The following C15orf61 variants were observed in gnomAD, a reference collection of about 807,000 sequenced individuals.
The protein encoded by C15orf61 is chromosome 15 open reading frame 61.
C15orf61 carries 12 observed loss-of-function variants against 13.7 expected under a neutral mutation model. That is an observed-to-expected ratio of 0.88 (90% CI 0.56 to 1.42). C15orf61 has a LOEUF of 1.42. Ranked by LOEUF, C15orf61 falls within the 40% of genes most tolerant of loss-of-function variation. The pLI is 0.00. For missense variants in C15orf61, 248 were observed against 213.2 expected (o/e 1.16, Z -1.02); for synonymous variants, 92 against 94.1 (o/e 0.98, Z 0.13).
At position 67,528,710 on chromosome 15, in the gene C15orf61, T is replaced by C. The variant is rs2084212231; in HGVS notation, c.*2165T>C. Reference sequence around the variant, plus strand: ...GTCAGGAGACTGAGTCTATTTTTAGTATTGGTGCTGTCTTACTTTTTGACC... The same window carrying C: ...GTCAGGAGACTGAGTCTATTTTTAGCATTGGTGCTGTCTTACTTTTTGACC... On this transcript the variant is annotated 3_prime_UTR_variant, in exon 2 of 2. Coordinates refer to ENST00000342683, the MANE Select transcript of C15orf61 (RefSeq NM_001143936.2). 1.3e-5 allele frequency: 2 copies of C among 152,154 alleles called. No homozygotes were observed. Among genetic ancestry groups the C allele is most frequent in the South Asian group, 4.1e-4 (2 of 4,832 alleles). The allele number at this position is 152,154 out of a possible 1,614,324, so 9.4% of individuals were successfully genotyped here. A position where few individuals can be genotyped will look rare whatever the true frequency, so the allele number is the denominator to read the frequency against.
At position 67,525,348 on chromosome 15, in the gene C15orf61, T is replaced by C. The variant is rs2084192807; in HGVS notation, c.347-1070T>C. ...TTTTAAATAAGTACCTTTAAAAAGATAGGAATTGTGAAAGTTTGTTTTGTG... is the reference window on the plus strand; with the variant it reads ...TTTTAAATAAGTACCTTTAAAAAGACAGGAATTGTGAAAGTTTGTTTTGTG... On this transcript the variant is annotated intron_variant, in intron 1 of 1. Transcript: ENST00000342683. The surrounding 1 kb of genome is among the most constrained non-coding windows in gnomAD (Gnocchi z 4.9). 6.6e-6 allele frequency among the ~76,000 whole-genome samples: 1 copy of C among 152,224 alleles called. No homozygotes were observed. Among genetic ancestry groups the C allele is most frequent in the Non-Finnish European group, 1.5e-5 (1 of 68,034 alleles).
At chr15:67,522,955 CA>C (rs572394395) in intron 1 of C15orf61, among the ~76,000 whole-genome samples, 342 of 151,780 alleles carry the variant, frequency 2.3e-3, no homozygotes, top group African/African-American at 7.9e-3. Context: ...TTAAGACATC[CA>C]AAAAAAGTGG....
rs547903122 is a variant in C15orf61, at chr15:67,521,485, C to A, written c.237C>A (p.Val79=). Residue 79 remains valine (V), a synonymous_variant, in exon 1 of 2, where the codon GTC becomes GTA. Transcript: ENST00000342683. The part of the protein sequence containing the change: ...NWPVQGANYH[V]LRTGCFPFIK... ...CGGTGCAGGGCGCCAACTACCACGT[C>A]CTGCGCACCGGCTGCTTCCCCTTCA... 4.5e-6 allele frequency: 7 copies of A among 1,548,662 alleles called. No individual in the cohort carries two copies. In the African/African-American group the frequency reaches 9.6e-5, roughly 21 times the overall value.
At position 67,526,928 on chromosome 15, in the gene C15orf61, A is replaced by G. The variant is rs2084202363; in HGVS notation, c.*383A>G. ...GAAAATCTTTTATGTAACAATGGAA[A>G]AAGAAGTAGAAGACATTAGGATGTA... On this transcript the variant is annotated 3_prime_UTR_variant, in exon 2 of 2. Coordinates refer to ENST00000342683, the MANE Select transcript of C15orf61 (RefSeq NM_001143936.2). 6.5e-6 allele frequency: 1 copy of G among 154,278 alleles called. No individual in the cohort carries two copies. Among genetic ancestry groups the G allele is most frequent in the African/African-American group, 2.4e-5 (1 of 41,560 alleles). The allele number at this position is 154,278 out of a possible 1,614,324, so 9.6% of individuals were successfully genotyped here.
At chr15:67,523,321 A>C (rs2140927436) in intron 1 of C15orf61, among the ~76,000 whole-genome samples, 1 of 152,302 alleles carries the variant, frequency 6.6e-6, no homozygotes, top group East Asian at 1.9e-4. Flanking sequence ...TCTGTGAGGT[A>C]CAATCGTCTC....
Position 67,521,224 on chromosome 15 carries a change from G to T in C15orf61, c.-25G>T, listed in dbSNP as rs147572475. 15,220 of 1,208,624 alleles carry T rather than the reference G, an allele frequency of 0.013. 114 individuals are homozygous for T. The highest frequency in any genetic ancestry group is 0.015 in the Non-Finnish European group (14,240 of 968,158). The allele number at this position is 1,208,624 out of a possible 1,614,324, so 74.9% of individuals were successfully genotyped here. ...TGCGCGCCAGCGGCTGCGGACACCA[G>T]CCTGCGTCCCCGGCGCGGCGGGCCA... is the stretch of plus-strand genomic sequence containing the variant. On this transcript the variant is annotated 5_prime_UTR_variant, in exon 1 of 2. Transcript: ENST00000342683.
chr15:67,521,611 G>A lies in C15orf61; in HGVS notation c.346+17G>A. On this transcript the variant is annotated intron_variant, in intron 1 of 1. Transcript: ENST00000342683. ...TCAACCTCGGTGAGTGGCGACTGCC[G>A]CGCCCACGCGGTGAAGCCCGCCCGG... 6.7e-7 allele frequency: 1 copy of A among 1,497,148 alleles called. No individual in the cohort carries two copies. The highest frequency in any genetic ancestry group is 9.0e-7 in the Non-Finnish European group (1 of 1,111,290). 92.7% of individuals were successfully genotyped at this position (1,497,148 alleles called of 1,614,324 possible). A position where few individuals can be genotyped will look rare whatever the true frequency, so the allele number is the denominator to read the frequency against.
In C15orf61 at chr15:67,529,096, A is replaced by G. The variant is rs2084214631; in HGVS notation, c.*2551A>G. On this transcript the variant is annotated 3_prime_UTR_variant, in exon 2 of 2. Coordinates refer to ENST00000342683, the MANE Select transcript of C15orf61 (RefSeq NM_001143936.2). This position sits in a 1 kb window ranked among gnomAD's most constrained non-coding sequence, Gnocchi z 4.4. ...GTCATATTTCTTTGACAGGATTTTT[A>G]TCTTTAATCCAACCAAAACTGTTTT... 1 of 152,168 alleles carries G rather than the reference A, an allele frequency of 6.6e-6. No homozygotes were observed. The highest frequency in any genetic ancestry group is 6.5e-5 in the Admixed American group (1 of 15,280). The allele number at this position is 152,168 out of a possible 1,614,324, so 9.4% of individuals were successfully genotyped here.
At chr15:67,524,196 A>G (rs1019244869) in intron 1 of C15orf61, among the ~76,000 whole-genome samples, 1 of 152,178 alleles carries the variant, frequency 6.6e-6, no homozygotes, top group African/African-American at 2.4e-5. Flanking sequence ...TAGTCTCAGT[A>G]TGCTTAGAAA....
intron 1 of C15orf61, chr15:67,522,024 C>G (rs566381450): frequency 7.1e-6 from 5 of 699,510 alleles, no homozygotes; most frequent in Non-Finnish European, 1.0e-5. Flanking sequence ...ACTGGAACTA[C>G]TCTTTTAAGT....
chr15:67,521,805 G>A (rs1162572210), intron 1 of C15orf61: 2 of 628,766 alleles, frequency 3.2e-6, no homozygotes, highest in East Asian at 2.8e-5. Flanking sequence ...CCGTTCGCCT[G>A]CTGCGGGCGC....
chr15:67,521,964 AG>A (rs1567252067), intron 1 of C15orf61: 2 of 692,468 alleles, frequency 2.9e-6, no homozygotes. Flanking sequence ...ACTGCATGGC[AG>A]GACTCATTCC....
rs1464819434 is a variant in C15orf61 at position 67,521,286 on chromosome 15, GC to G, written c.40del (p.Leu14CysfsTer23). The G allele has an allele frequency of 2.0e-6, 3 of 1,467,516 alleles. No individual in the cohort carries two copies. The African/African-American group carries it at 4.4e-5, about 21-fold the overall frequency. 90.9% of individuals were successfully genotyped at this position (1,467,516 alleles called of 1,614,324 possible). ...AGGAGGGCCCACGAGGTCGCGCTCC[GC>G]CTGCTGCTGTGTAGGCCGTGGGCCT... ...ALRRAHEVALRLLLCRPWASR... is the reference protein window; with the variant it reads ...ALRRAHEVALXLLLCRPWASR... On this transcript the variant is annotated frameshift_variant, in exon 1 of 2. Coordinates refer to ENST00000342683, the MANE Select transcript of C15orf61 (RefSeq NM_001143936.2). LOFTEE classifies it high-confidence loss of function.
In C15orf61 at chr15:67,526,875, A is replaced by G. The variant is rs2084201935; in HGVS notation, c.*330A>G. 6.0e-6 allele frequency: 1 copy of G among 166,172 alleles called. No homozygotes were observed. Among genetic ancestry groups the G allele is most frequent in the African/African-American group, 2.4e-5 (1 of 42,130 alleles). 10.3% of individuals were successfully genotyped at this position (166,172 alleles called of 1,614,324 possible). A position where few individuals can be genotyped will look rare whatever the true frequency, so the allele number is the denominator to read the frequency against. The stretch of plus-strand genomic sequence containing the variant: ...TTTAAATCAACTCTGAAGAGAAAAT[A>G]TAGATGCCCACACAAAAGAGAAGGG... On this transcript the variant is annotated 3_prime_UTR_variant, in exon 2 of 2. Coordinates refer to ENST00000342683, the MANE Select transcript of C15orf61 (RefSeq NM_001143936.2).
chr15:67,526,370 G>C, intron 1 of C15orf61, 48 bp from the exon 2 acceptor site: 1 of 1,256,772 alleles, frequency 8.0e-7, no homozygotes, highest in Non-Finnish European at 1.1e-6. Context: ...TCAGTAACTT[G>C]CATGATTAAT....
Position 67,527,113 on chromosome 15 carries a change from T to C in C15orf61, c.*568T>C, listed in dbSNP as rs2084203254. On this transcript the variant is annotated 3_prime_UTR_variant, in exon 2 of 2. Transcript: ENST00000342683. ...GGTTGGAGTGTAATGTTGAAACTTC[T>C]TGTTGCTTAAAGAGTCCAAAACCAT... 1 of 152,232 alleles carries C rather than the reference T, an allele frequency of 6.6e-6. No individual in the cohort carries two copies. The highest frequency in any genetic ancestry group is 2.4e-5 in the African/African-American group (1 of 41,468). The allele number at this position is 152,232 out of a possible 1,614,324, so 9.4% of individuals were successfully genotyped here. A position where few individuals can be genotyped will look rare whatever the true frequency, so the allele number is the denominator to read the frequency against.
rs1167492719 is a variant in C15orf61 at position 67,525,613 on chromosome 15, T to TA, written c.347-804dup. The stretch of plus-strand genomic sequence containing the variant: ...TCTCATGCCTGTTGTACTGAAATCT[T>TA]ACTTGGAGTTAGGTTTTGCTTTAGA... On this transcript the variant is annotated intron_variant, in intron 1 of 1. Coordinates refer to ENST00000342683, the MANE Select transcript of C15orf61 (RefSeq NM_001143936.2). This position sits in a 1 kb window ranked among gnomAD's most constrained non-coding sequence, Gnocchi z 4.9. 6.6e-6 allele frequency among the ~76,000 whole-genome samples: 1 copy of TA among 152,254 alleles called. No homozygotes were observed. Among genetic ancestry groups the TA allele is most frequent in the African/African-American group, 2.4e-5 (1 of 41,472 alleles).
intron 1 of C15orf61, chr15:67,522,266 TC>T (rs2084171006): frequency 2.6e-5 from 18 of 699,934 alleles, no homozygotes; most frequent in Middle Eastern, 7.1e-4. Context: ...CATGGGTGTA[TC>T]TTTTATAGGT....
Position 67,527,871 on chromosome 15 carries a change from T to G in C15orf61, c.*1326T>G, listed in dbSNP as rs532809404. On this transcript the variant is annotated 3_prime_UTR_variant, in exon 2 of 2. Coordinates refer to ENST00000342683, the MANE Select transcript of C15orf61 (RefSeq NM_001143936.2). The stretch of plus-strand genomic sequence containing the variant: ...AGTAACACTTTAATCAAAGAAGTAC[T>G]TATGCCAATATATTTAGTCCAGAAG... 2.6e-5 allele frequency: 4 copies of G among 152,354 alleles called. No homozygotes were observed. Among genetic ancestry groups the G allele is most frequent in the Admixed American group, 2.0e-4 (3 of 15,300 alleles). 9.4% of individuals were successfully genotyped at this position (152,354 alleles called of 1,614,324 possible). A position where few individuals can be genotyped will look rare whatever the true frequency, so the allele number is the denominator to read the frequency against.
Sources: gnomAD v4.1 joint callset for allele counts (sites outside exome capture counted in the v4.1 genomes callset) on GRCh38, gnomAD v4.1.1 for gene constraint, Gnocchi (gnomAD v3.1) non-coding constraint, MANE v1.5 for transcripts, NCBI Gene and HGNC (gene_info 2026-07-23, HGNC 2026-07-21) for gene names.